CLSTN2: variants seen among roughly 807,000 people sequenced by gnomAD.
The protein encoded by CLSTN2 is calsyntenin 2.
A neutral mutation model predicts 101.2 loss-of-function variants in CLSTN2; 48 were observed. That is an observed-to-expected ratio of 0.47 (90% CI 0.38 to 0.60). The LOEUF (loss-of-function observed/expected upper bound fraction) is 0.60. CLSTN2 is among the 20% of genes least tolerant of loss of function. The pLI is 0.00. For synonymous variants in CLSTN2, 481 were observed against 463.6 expected (o/e 1.04, Z -0.48); for missense variants, 1,160 against 1,238.2 (o/e 0.94, Z 0.95).
At position 140,421,023 on chromosome 3, in the gene CLSTN2, AC is replaced by A. The variant is rs1373638713; in HGVS notation, c.638-101del. 10 of 1,175,254 alleles carry A rather than the reference AC, an allele frequency of 8.5e-6. No individual in the cohort carries two copies. In the Admixed American group the frequency reaches 1.9e-4, roughly 22 times the overall value. 72.8% of individuals were successfully genotyped at this position (1,175,254 alleles called of 1,614,324 possible). Reference sequence around the variant, plus strand: ...TTACAAAGAGATAAGGAAAAGGGTCACTTTCTTCCTGTGAAGGTGGGTGGAG... The same window carrying A: ...TTACAAAGAGATAAGGAAAAGGGTCATTTCTTCCTGTGAAGGTGGGTGGAG... On this transcript the variant is annotated intron_variant, in intron 4 of 16. Transcript: ENST00000458420.
intron 2 of CLSTN2, among the ~76,000 whole-genome samples, chr3:140,241,509 A>G (rs1478843324): frequency 5.9e-5 from 9 of 152,144 alleles, no homozygotes; most frequent in African/African-American, 1.2e-4. Flanking sequence ...ACTTAGCTCC[A>G]ATCTTGACTC....
At chr3:140,173,412 GC>G (rs1241784525) in intron 1 of CLSTN2, among the ~76,000 whole-genome samples, 1 of 152,204 alleles carries the variant, frequency 6.6e-6, no homozygotes, top group African/African-American at 2.4e-5. Flanking sequence ...GCTTTCATGG[GC>G]TGATGTTGAG....
chr3:140,217,629 T>C (rs1340485376), intron 2 of CLSTN2, among the ~76,000 whole-genome samples: 2 of 152,206 alleles, frequency 1.3e-5, no homozygotes, highest in East Asian at 3.9e-4. Context: ...GAAATAGAAA[T>C]GGTTGCTGTC....
intron 1 of CLSTN2, among the ~76,000 whole-genome samples, chr3:140,021,526 G>T (rs1027330884): frequency 1.3e-5 from 2 of 152,116 alleles, no homozygotes; most frequent in African/African-American, 4.8e-5. Flanking sequence ...AGAACCACCG[G>T]TGTGTACCTG....
chr3:140,459,425 T>C, intron 6 of CLSTN2, 96 bp from the exon 7 acceptor site: 6 of 1,401,596 alleles, frequency 4.3e-6, no homozygotes, highest in Non-Finnish European at 6.0e-6. Context: ...CGTCTCTGAG[T>C]AAGTACACTG....
At chr3:140,075,680 T>C (rs528006493) in intron 1 of CLSTN2, among the ~76,000 whole-genome samples, 48 of 152,250 alleles carry the variant, frequency 3.2e-4, no homozygotes, top group African/African-American at 1.1e-3. Flanking sequence ...AAGAAGCTAT[T>C]ATGTGTGAGT....
chr3:140,559,747 G>T (rs72980143), intron 12 of CLSTN2, among the ~76,000 whole-genome samples: 4,965 of 152,170 alleles, frequency 0.033, 273 homozygotes, highest in African/African-American at 0.11. Context: ...TGATGTGCTG[G>T]TGCCTCTGGT....
chr3:140,083,212 C>T (rs964961016), intron 1 of CLSTN2, among the ~76,000 whole-genome samples: 1 of 152,006 alleles, frequency 6.6e-6, no homozygotes, highest in Admixed American at 6.6e-5. Context: ...GTCGTCTTCT[C>T]AAGACTGTAA....
rs111753356 is a variant in CLSTN2, at chr3:140,082,914, C to T, written c.110-93037C>T. 5.3e-5 allele frequency among the ~76,000 whole-genome samples: 8 copies of T among 152,280 alleles called. 1 individual carries two copies. The highest frequency in any genetic ancestry group is 1.4e-4 in the African/African-American group (6 of 41,562). The stretch of plus-strand genomic sequence containing the variant: ...GCCCAGGTCTTGATGTCAAGGAGCA[C>T]GTGGAAAATGTGTATACCTTCTACT... On this transcript the variant is annotated intron_variant, in intron 1 of 16. Transcript: ENST00000458420.
At chr3:140,378,885 A>G (rs2087948705) in intron 2 of CLSTN2, among the ~76,000 whole-genome samples, 4 of 152,340 alleles carry the variant, frequency 2.6e-5, no homozygotes, top group Admixed American at 2.6e-4. Context: ...TGCTTGATGT[A>G]TAGTAGATGC....
At chr3:140,351,546 G>T (rs1389233639) in intron 2 of CLSTN2, among the ~76,000 whole-genome samples, 1 of 152,182 alleles carries the variant, frequency 6.6e-6, no homozygotes, top group Non-Finnish European at 1.5e-5. Flanking sequence ...AACTAGTTCT[G>T]TTAGGGCCCA....
intron 2 of CLSTN2, among the ~76,000 whole-genome samples, chr3:140,246,755 G>A (rs2086521602): frequency 6.6e-6 from 1 of 152,136 alleles, no homozygotes; most frequent in African/African-American, 2.4e-5. Flanking sequence ...GAAGGCAGGG[G>A]GTGTGTCTGA....
chr3:140,258,168 G>T (rs925249627), intron 2 of CLSTN2, among the ~76,000 whole-genome samples: 1 of 151,536 alleles, frequency 6.6e-6, no homozygotes, highest in Non-Finnish European at 1.5e-5. Context: ...TTTTCAGCCC[G>T]CTTTTATTGT....
At chr3:140,494,437 A>C (rs1015137331) in intron 8 of CLSTN2, among the ~76,000 whole-genome samples, 1 of 152,182 alleles carries the variant, frequency 6.6e-6, no homozygotes, top group Non-Finnish European at 1.5e-5. Context: ...CAAAGCAATT[A>C]TTTTTTGTTT....
At chr3:140,400,913 TC>T (rs1487317630) in intron 2 of CLSTN2, among the ~76,000 whole-genome samples, 1 of 152,210 alleles carries the variant, frequency 6.6e-6, no homozygotes, top group African/African-American at 2.4e-5. Context: ...AGGGAGGCCC[TC>T]CCTGCCTTGC....
chr3:140,563,119 C>T lies in CLSTN2; in HGVS notation c.2398C>T (p.His800Tyr), dbSNP rs1935952085. The T allele has an allele frequency of 3.1e-6, 5 of 1,614,054 alleles. No individual in the cohort carries two copies. Among genetic ancestry groups the T allele is most frequent in the Non-Finnish European group, 4.2e-6 (5 of 1,179,912 alleles). ...TGAAGACCAAGTCTCAGATAAGGAG[C>T]ATGTCAATCATCTGATTGTGCAGCC... ...LHEDQVSDKE[H>Y]VNHLIVQPPF... Residue 800 changes from histidine to tyrosine, a missense_variant, in exon 15 of 17, where the codon CAT (histidine) becomes TAT (tyrosine). His to Tyr is a moderately conservative substitution (Grantham distance 83). Coordinates refer to ENST00000458420, the MANE Select transcript of CLSTN2 (RefSeq NM_022131.3).
intron 13 of CLSTN2, 123 bp downstream of exon 13, chr3:140,562,431 A>G: frequency 1.0e-6 from 1 of 961,786 alleles, no homozygotes; most frequent in Non-Finnish European, 1.5e-6. Context: ...CCAGTTGGAG[A>G]TCCTTGGCCT....
At chr3:140,062,109 G>A (rs568899264) in intron 1 of CLSTN2, among the ~76,000 whole-genome samples, 1 of 152,270 alleles carries the variant, frequency 6.6e-6, no homozygotes, top group South Asian at 2.1e-4. Flanking sequence ...TGAGTGAAAT[G>A]CATCAGGTAT....
At chr3:140,526,579 G>GAAAC (rs200224315) in intron 8 of CLSTN2, among the ~76,000 whole-genome samples, 36 of 128,236 alleles carry the variant, frequency 2.8e-4, no homozygotes, top group African/African-American at 1.0e-3. Flanking sequence ...AAATTTATAT[G>GAAAC]AAACAAACAA....
Sources: gnomAD v4.1 joint callset for allele counts (sites outside exome capture counted in the v4.1 genomes callset) on GRCh38, gnomAD v4.1.1 for gene constraint, MANE v1.5 for transcripts, NCBI Gene and HGNC (gene_info 2026-07-23, HGNC 2026-07-21) for gene names.